Variants in NUDT3 observed in about 807,000 individuals in gnomAD.
The protein encoded by NUDT3 is nudix hydrolase 3, also known as diphosphoinositol polyphosphate phosphohydrolase 1.
A neutral mutation model predicts 23.6 loss-of-function variants in NUDT3; 9 were observed. The ratio of observed to expected loss-of-function variants is 0.38; its 90% CI spans 0.23 to 0.66. The LOEUF (loss-of-function observed/expected upper bound fraction) is 0.66. NUDT3 is among the 30% of genes least tolerant of loss of function. The pLI, the probability that NUDT3 is intolerant of heterozygous loss-of-function variation, is 0.52. For synonymous variants in NUDT3, 86 were observed against 82.6 expected (o/e 1.04, Z -0.22); for missense variants, 172 against 218.5 (o/e 0.79, Z 1.34).
Position 34,352,065 on chromosome 6 carries a change from T to C in NUDT3, c.100-10093A>G, listed in dbSNP as rs569301447. On this transcript the variant is annotated intron_variant, in intron 1 of 4. Coordinates refer to ENST00000607016, the MANE Select transcript of NUDT3 (RefSeq NM_006703.4). Reference sequence around the variant, plus strand: ...CAAAAAACAAAAAAAAACTTATAATTGGCCAAGAAGAATCCCAAACATTAT... The same window carrying C: ...CAAAAAACAAAAAAAAACTTATAATCGGCCAAGAAGAATCCCAAACATTAT... 1.2e-3 allele frequency among the ~76,000 whole-genome samples: 180 copies of C among 152,216 alleles called. 3 individuals are homozygous for C. The highest frequency in any genetic ancestry group is 2.5e-3 in the South Asian group (12 of 4,824).
In NUDT3 at chr6:34,376,934, CAG is replaced by C. The variant is rs1424851747; in HGVS notation, c.99+15328_99+15329del. 1.4e-4 allele frequency among the ~76,000 whole-genome samples: 21 copies of C among 152,262 alleles called. No homozygotes were observed. The East Asian group carries it at 3.9e-3, about 28-fold the overall frequency. On this transcript the variant is annotated intron_variant, in intron 1 of 4. Transcript: ENST00000607016. Reference sequence around the variant, plus strand: ...TATCCCAGACCCAGGTTCATATGCTCAGAGTCTCTGGCATGCAACAAACTCAT... The same window carrying C: ...TATCCCAGACCCAGGTTCATATGCTCAGTCTCTGGCATGCAACAAACTCAT...
chr6:34,321,235 C>T (rs1763937145), intron 2 of NUDT3, among the ~76,000 whole-genome samples: 1 of 152,008 alleles, frequency 6.6e-6, no homozygotes, highest in Non-Finnish European at 1.5e-5. Context: ...CTCAGGAGTT[C>T]AAGACCAGCC....
intron 2 of NUDT3, among the ~76,000 whole-genome samples, chr6:34,341,308 G>A (rs1336099078): frequency 6.6e-6 from 1 of 151,886 alleles, no homozygotes; most frequent in East Asian, 1.9e-4. Flanking sequence ...TATTTATTCT[G>A]GAGTATCTAG....
intron 1 of NUDT3, among the ~76,000 whole-genome samples, chr6:34,346,886 GC>G (rs1186525083): frequency 6.6e-6 from 1 of 152,152 alleles, no homozygotes; most frequent in African/African-American, 2.4e-5. Context: ...CTCCCGAGTA[GC>G]TGGGACTACA....
At chr6:34,293,648 A>C in intron 3 of NUDT3, 113 bp from the exon 4 acceptor site, 1 of 1,266,216 alleles carries the variant, frequency 7.9e-7, no homozygotes, top group Non-Finnish European at 1.1e-6. Flanking sequence ...AAAGATTCTA[A>C]ACTTTTACTT....
chr6:34,319,298 C>T (rs1283118964), intron 2 of NUDT3, among the ~76,000 whole-genome samples: 2 of 152,202 alleles, frequency 1.3e-5, no homozygotes, highest in African/African-American at 2.4e-5. Context: ...AGTCCCACAA[C>T]ACCCTCCTTC....
intron 1 of NUDT3, among the ~76,000 whole-genome samples, chr6:34,381,206 C>A (rs987068850): frequency 6.6e-6 from 1 of 151,924 alleles, no homozygotes; most frequent in South Asian, 2.1e-4. Flanking sequence ...TTTATAGAGA[C>A]GAGGTCCCAC....
chr6:34,330,019 T>G (rs192211496), intron 2 of NUDT3, among the ~76,000 whole-genome samples: 3 of 152,236 alleles, frequency 2.0e-5, no homozygotes, highest in Non-Finnish European at 4.4e-5. Flanking sequence ...ACAGTGCCTA[T>G]GTGCCACATT....
At chr6:34,345,834 T>C (rs1442421303) in intron 1 of NUDT3, among the ~76,000 whole-genome samples, 1 of 151,942 alleles carries the variant, frequency 6.6e-6, no homozygotes, top group East Asian at 1.9e-4. Context: ...AATGGCATGA[T>C]CTTGGCTCAC....
chr6:34,353,968 T>G (rs189391165), intron 1 of NUDT3, among the ~76,000 whole-genome samples: 1 of 151,960 alleles, frequency 6.6e-6, no homozygotes, highest in African/African-American at 2.4e-5. Flanking sequence ...AATGGCATGG[T>G]CTCGGCTCAC....
At chr6:34,385,529 C>T (rs1408195465) in intron 1 of NUDT3, among the ~76,000 whole-genome samples, 1 of 152,062 alleles carries the variant, frequency 6.6e-6, no homozygotes, top group Admixed American at 6.6e-5. Context: ...ATGCCACATC[C>T]ATAATCAATG....
At chr6:34,343,226 T>C (rs1764314708) in intron 1 of NUDT3, among the ~76,000 whole-genome samples, 4 of 151,968 alleles carry the variant, frequency 2.6e-5, no homozygotes, top group Admixed American at 1.3e-4. Flanking sequence ...ACAGTAGTTT[T>C]TGGTTGATAT....
At chr6:34,294,533 C>T (rs949865931) in intron 3 of NUDT3, among the ~76,000 whole-genome samples, 1 of 151,904 alleles carries the variant, frequency 6.6e-6, no homozygotes, top group Non-Finnish European at 1.5e-5. Context: ...TCCAGACCAG[C>T]CTGGCCAACA....
intron 1 of NUDT3, among the ~76,000 whole-genome samples, chr6:34,367,466 G>C (rs1197855780): frequency 6.6e-6 from 1 of 150,380 alleles, no homozygotes; most frequent in African/African-American, 2.4e-5. Flanking sequence ...TGGACGACAA[G>C]AGTGAGACTC....
chr6:34,317,564 C>A (rs114940475), intron 2 of NUDT3, among the ~76,000 whole-genome samples: 47 of 152,246 alleles, frequency 3.1e-4, no homozygotes, highest in Admixed American at 1.0e-3. Flanking sequence ...CTCCCACCCC[C>A]CCAACAGTAT....
intron 2 of NUDT3, among the ~76,000 whole-genome samples, chr6:34,297,760 A>ATATATATATATT (rs1763535832): frequency 5.6e-5 from 3 of 53,620 alleles, no homozygotes; most frequent in Admixed American, 2.6e-4. Flanking sequence ...TATATATATA[A>ATATATATATATT]TTTTTTTTTT....
At chr6:34,356,347 G>A (rs993967226) in intron 1 of NUDT3, among the ~76,000 whole-genome samples, 4 of 152,004 alleles carry the variant, frequency 2.6e-5, no homozygotes, top group South Asian at 2.1e-4. Flanking sequence ...TTATCCTTTC[G>A]ATATCTGTAA....
At chr6:34,323,953 C>A (rs1763984329) in intron 2 of NUDT3, among the ~76,000 whole-genome samples, 1 of 151,970 alleles carries the variant, frequency 6.6e-6, no homozygotes, top group South Asian at 2.1e-4. Context: ...TTTTTATGAA[C>A]AGAAAAAAAT....
chr6:34,323,618 G>A (rs922395366), intron 2 of NUDT3, among the ~76,000 whole-genome samples: 3 of 151,940 alleles, frequency 2.0e-5, no homozygotes, highest in Non-Finnish European at 2.9e-5. Flanking sequence ...GAAGCGAAGC[G>A]AAGAGAAGAG....
Sources: allele counts gnomAD v4.1 joint callset (sites outside exome capture counted in the v4.1 genomes callset), GRCh38; gene constraint gnomAD v4.1.1; transcripts MANE v1.5; gene names NCBI Gene and HGNC (gene_info 2026-07-23, HGNC 2026-07-21).